Variants in QTMAN observed in about 807,000 individuals in gnomAD.
QTMAN encodes queuosine-tRNA mannosyltransferase.
At chr2:144,117,627 C>T in the QTMAN span, among the ~76,000 whole-genome samples, 1 of 152,014 alleles carries the variant, frequency 6.6e-6, no homozygotes, top group Non-Finnish European at 1.5e-5. Flanking sequence ...TCTTGTTTGC[C>T]TTATGATAAA....
At chr2:143,995,193 G>C in the QTMAN span, among the ~76,000 whole-genome samples, 1 of 152,150 alleles carries the variant, frequency 6.6e-6, no homozygotes, top group East Asian at 1.9e-4. Flanking sequence ...CATTTACAAG[G>C]CAGATGCTGC....
At chr2:144,168,164 C>T in the QTMAN span, among the ~76,000 whole-genome samples, 14 of 152,182 alleles carry the variant, frequency 9.2e-5, no homozygotes, top group Admixed American at 4.6e-4. Flanking sequence ...TTCCAAATTA[C>T]GGCCTGTTTA....
At chr2:144,071,977 C>T in the QTMAN span, among the ~76,000 whole-genome samples, 1 of 152,138 alleles carries the variant, frequency 6.6e-6, no homozygotes, top group Non-Finnish European at 1.5e-5. Flanking sequence ...AAAAGCTTTG[C>T]ATCTGTTTGC....
the QTMAN span, among the ~76,000 whole-genome samples, chr2:144,143,682 C>T: frequency 6.6e-6 from 1 of 151,744 alleles, no homozygotes; most frequent in Non-Finnish European, 1.5e-5. Context: ...AATAATATAC[C>T]AAAAGTTGAA....
At chr2:144,169,187 A>ATT in the QTMAN span, among the ~76,000 whole-genome samples, 2 of 152,154 alleles carry the variant, frequency 1.3e-5, no homozygotes, top group Non-Finnish European at 2.9e-5. Context: ...AGGCACACCC[A>ATT]AGACCATTTA....
At chr2:144,315,400 T>C in the QTMAN span, among the ~76,000 whole-genome samples, 7 of 152,222 alleles carry the variant, frequency 4.6e-5, no homozygotes, top group African/African-American at 1.7e-4. Flanking sequence ...TATCCATAAA[T>C]GTTCCCAGAA....
At chr2:144,075,035 A>C in the QTMAN span, among the ~76,000 whole-genome samples, 1 of 152,244 alleles carries the variant, frequency 6.6e-6, no homozygotes, top group Admixed American at 6.5e-5. Flanking sequence ...TTAACTTTTG[A>C]GGAGGTAAGC....
the QTMAN span, among the ~76,000 whole-genome samples, chr2:144,280,394 A>G: frequency 6.6e-6 from 1 of 152,292 alleles, no homozygotes; most frequent in Non-Finnish European, 1.5e-5. Context: ...CCAAAACACC[A>G]CCATTTAAAA....
At chr2:144,326,066 C>T in the QTMAN span, among the ~76,000 whole-genome samples, 1 of 152,150 alleles carries the variant, frequency 6.6e-6, no homozygotes, top group Non-Finnish European at 1.5e-5. Flanking sequence ...TGAGAATTTA[C>T]TCTTTAGTAT....
the QTMAN span, among the ~76,000 whole-genome samples, chr2:144,326,729 A>C: frequency 6.6e-6 from 1 of 152,174 alleles, no homozygotes; most frequent in Non-Finnish European, 1.5e-5. Flanking sequence ...GGAGAAATTT[A>C]TATCTAATCT....
At chr2:144,046,924 C>T in the QTMAN span, among the ~76,000 whole-genome samples, 1 of 152,186 alleles carries the variant, frequency 6.6e-6, no homozygotes, top group African/African-American at 2.4e-5. Context: ...CTTGCTTATG[C>T]ATATCACATT....
chr2:144,142,133 G>A, the QTMAN span: 1 of 953,730 alleles, frequency 1.0e-6, no homozygotes, highest in African/African-American at 1.6e-5. Flanking sequence ...AGACCTCTAT[G>A]GATTAATCAG....
At chr2:144,308,943 G>A in the QTMAN span, among the ~76,000 whole-genome samples, 5 of 152,206 alleles carry the variant, frequency 3.3e-5, no homozygotes, top group Admixed American at 6.5e-5. Flanking sequence ...ACAATCCAAC[G>A]TTTTTTAATG....
the QTMAN span, among the ~76,000 whole-genome samples, chr2:143,968,345 A>G: frequency 1.3e-5 from 2 of 152,158 alleles, no homozygotes; most frequent in African/African-American, 4.8e-5. Context: ...TGAGGGGGAA[A>G]CTGAGTGCTG....
the QTMAN span, among the ~76,000 whole-genome samples, chr2:144,180,502 T>C: frequency 1.3e-5 from 2 of 152,226 alleles, no homozygotes; most frequent in African/African-American, 4.8e-5. Flanking sequence ...TTATACTTAC[T>C]AACACTTTTT....
At chr2:143,980,430 GC>G in the QTMAN span, among the ~76,000 whole-genome samples, 2 of 152,100 alleles carry the variant, frequency 1.3e-5, no homozygotes, top group Non-Finnish European at 2.9e-5. Flanking sequence ...TTCCTCGAGG[GC>G]AGAGGTCATG....
At chr2:144,249,557 A>C in the QTMAN span, among the ~76,000 whole-genome samples, 2 of 152,244 alleles carry the variant, frequency 1.3e-5, no homozygotes, top group Non-Finnish European at 2.9e-5. Flanking sequence ...TGACAATTAT[A>C]TGGAAAAAGG....
chr2:143,940,997 C>T, the QTMAN span: 3 of 152,208 alleles, frequency 2.0e-5, no homozygotes, highest in African/African-American at 7.2e-5. Flanking sequence ...AACTTATTAA[C>T]ACGTTTCTTC....
chr2:143,967,799 T>C, the QTMAN span, among the ~76,000 whole-genome samples: 1 of 152,162 alleles, frequency 6.6e-6, no homozygotes. Context: ...AAAAAGAACA[T>C]GAAAAAGCAG....
Sources: gnomAD v4.1 joint callset for allele counts (sites outside exome capture counted in the v4.1 genomes callset) on GRCh38, gnomAD v4.1.1 for gene constraint, MANE v1.5 for transcripts, NCBI Gene and HGNC (gene_info 2026-07-23, HGNC 2026-07-21) for gene names.